Variants in NKAIN3 observed in about 807,000 individuals in gnomAD.
The protein encoded by NKAIN3 is sodium/potassium-transporting ATPase subunit beta-1-interacting protein 3.
NKAIN3 carries 25 observed loss-of-function variants against 30.2 expected under a neutral mutation model. The ratio of observed to expected loss-of-function variants is 0.83; its 90% confidence interval spans 0.60 to 1.16. The LOEUF (loss-of-function observed/expected upper bound fraction) is 1.16, where lower values mean the gene tolerates loss of function less well. NKAIN3 is among the 50% of genes most tolerant of loss of function. The pLI is 0.00. For missense variants in NKAIN3, 225 were observed against 254.1 expected, an observed-to-expected ratio of 0.89 and a Z score of 0.78; for synonymous variants, 91 against 89.6, an observed-to-expected ratio of 1.02 and a Z score of -0.09.
At chr8:62,340,538 C>T (rs1815708044) in intron 1 of NKAIN3, among the ~76,000 whole-genome samples, 1 of 151,948 alleles carries the variant, frequency 6.6e-6, no homozygotes, top group African/African-American at 2.4e-5. Context: ...CCCTGCCAAT[C>T]CCTTTCAGAA....
chr8:62,310,680 A>G, intron 1 of NKAIN3, among the ~76,000 whole-genome samples: 1 of 150,372 alleles, frequency 6.7e-6, no homozygotes, highest in East Asian at 1.9e-4. Flanking sequence ...CAGGTACTGA[A>G]TAAGTAGAGG....
intron 4 of NKAIN3, among the ~76,000 whole-genome samples, chr8:62,802,554 A>G (rs1458904031): frequency 1.3e-5 from 2 of 152,148 alleles, no homozygotes; most frequent in Non-Finnish European, 2.9e-5. Context: ...CTTTACAGAC[A>G]AGCAAATGTG....
intron 1 of NKAIN3, among the ~76,000 whole-genome samples, chr8:62,276,864 A>G (rs1812980981): frequency 6.6e-6 from 1 of 152,100 alleles, no homozygotes; most frequent in Admixed American, 6.6e-5. Context: ...TTAGAATACA[A>G]CTGTGATTTC....
chr8:62,267,841 G>A (rs187815445), intron 1 of NKAIN3, among the ~76,000 whole-genome samples: 1 of 152,324 alleles, frequency 6.6e-6, no homozygotes, highest in African/African-American at 2.4e-5. Flanking sequence ...TGATCTGCAA[G>A]TAGCCAAGTA....
intron 1 of NKAIN3, among the ~76,000 whole-genome samples, chr8:62,400,321 A>G (rs937199036): frequency 3.3e-5 from 5 of 151,642 alleles, no homozygotes; most frequent in African/African-American, 1.2e-4. Flanking sequence ...ACAGGCCTGC[A>G]CCACCATGCC....
intron 1 of NKAIN3, among the ~76,000 whole-genome samples, chr8:62,525,691 G>A (rs1808283754): frequency 6.6e-6 from 1 of 152,134 alleles, no homozygotes; most frequent in Admixed American, 6.6e-5. Context: ...GGCATACTCA[G>A]CTTATAAGAC....
intron 3 of NKAIN3, among the ~76,000 whole-genome samples, chr8:62,689,326 C>A (rs1586091622): frequency 6.6e-6 from 1 of 152,252 alleles, no homozygotes; most frequent in Non-Finnish European, 1.5e-5. Context: ...CAGAACACAG[C>A]CCCCAGAGAC....
chr8:62,696,995 CTG>C (rs1814177521), intron 3 of NKAIN3, among the ~76,000 whole-genome samples: 2 of 152,288 alleles, frequency 1.3e-5, no homozygotes, highest in South Asian at 4.1e-4. Context: ...CAAAATGACA[CTG>C]TTAAATTGCT....
rs900034362 is a variant in NKAIN3 at position 62,567,106 on chromosome 8, A to G, written c.55-12433A>G. 3.9e-5 allele frequency among the ~76,000 whole-genome samples: 6 copies of G among 152,256 alleles called. No homozygotes were observed. In the East Asian group the frequency reaches 1.2e-3, roughly 29 times the overall value. ...ACCTATATTACAAATTTTGAATTATAATGCTACTTCAATGAATTTTTCTGG... is the reference window on the plus strand; with the variant it reads ...ACCTATATTACAAATTTTGAATTATGATGCTACTTCAATGAATTTTTCTGG... On this transcript the variant is annotated intron_variant, in intron 1 of 6. Transcript: ENST00000623646.
chr8:62,671,906 CAAG>C (rs1813316923), intron 3 of NKAIN3, among the ~76,000 whole-genome samples: 1 of 152,028 alleles, frequency 6.6e-6, no homozygotes, highest in African/African-American at 2.4e-5. Context: ...CCTCCAACTC[CAAG>C]AAGAAGACCT....
chr8:62,432,005 A>T (rs1409394860), intron 1 of NKAIN3, among the ~76,000 whole-genome samples: 1 of 151,808 alleles, frequency 6.6e-6, no homozygotes, highest in Non-Finnish European at 1.5e-5. Flanking sequence ...AATAAAATAC[A>T]CAATAGGAAA....
At chr8:62,857,828 G>A (rs529906084) in intron 4 of NKAIN3, among the ~76,000 whole-genome samples, 1 of 152,114 alleles carries the variant, frequency 6.6e-6, no homozygotes, top group Non-Finnish European at 1.5e-5. Flanking sequence ...ACATTCTGAA[G>A]CCTACTTCTG....
At chr8:62,671,260 T>C (rs1179106899) in intron 3 of NKAIN3, among the ~76,000 whole-genome samples, 2 of 152,110 alleles carry the variant, frequency 1.3e-5, no homozygotes, top group East Asian at 3.9e-4. Context: ...GACAACGTTT[T>C]CCTTTGAAAA....
At chr8:62,849,485 C>T (rs1012976606) in intron 4 of NKAIN3, among the ~76,000 whole-genome samples, 15 of 150,706 alleles carry the variant, frequency 1.0e-4, no homozygotes, top group African/African-American at 2.9e-4. Flanking sequence ...TTTTAGGGTA[C>T]ATGTGCACAA....
At chr8:62,387,865 C>A (rs779220910) in intron 1 of NKAIN3, among the ~76,000 whole-genome samples, 7 of 152,136 alleles carry the variant, frequency 4.6e-5, no homozygotes, top group Non-Finnish European at 1.0e-4. Context: ...TCTGTCTTAT[C>A]TTGAAAAAGA....
At chr8:62,304,308 A>G (rs1814153126) in intron 1 of NKAIN3, among the ~76,000 whole-genome samples, 1 of 150,322 alleles carries the variant, frequency 6.7e-6, no homozygotes, top group Admixed American at 6.6e-5. Flanking sequence ...GTGGAGCTCC[A>G]ATTCACTTCT....
intron 1 of NKAIN3, among the ~76,000 whole-genome samples, chr8:62,548,749 G>A (rs1809097917): frequency 6.6e-6 from 1 of 150,864 alleles, no homozygotes; most frequent in Admixed American, 6.6e-5. Flanking sequence ...ATGTATGTAT[G>A]TACATAGTTT....
intron 1 of NKAIN3, among the ~76,000 whole-genome samples, chr8:62,410,698 A>G (rs1232791182): frequency 1.3e-5 from 2 of 152,222 alleles, no homozygotes; most frequent in Non-Finnish European, 2.9e-5. Flanking sequence ...TGATCCCCAC[A>G]GAAATATAAA....
intron 3 of NKAIN3, among the ~76,000 whole-genome samples, chr8:62,683,962 G>A (rs949554999): frequency 6.6e-6 from 1 of 152,128 alleles, no homozygotes; most frequent in African/African-American, 2.4e-5. Context: ...CTCATTCTTA[G>A]CTAGTCTCCC....
Sources: gnomAD v4.1 joint callset for allele counts (sites outside exome capture counted in the v4.1 genomes callset) on GRCh38, gnomAD v4.1.1 for gene constraint, MANE v1.5 for transcripts, NCBI Gene and HGNC (gene_info 2026-07-23, HGNC 2026-07-21) for gene names.